Variants in CLIC5 observed in about 807,000 individuals in gnomAD.
CLIC5 encodes the protein chloride intracellular channel protein 5.
A neutral mutation model predicts 24.7 loss-of-function variants in CLIC5; 20 were observed. The observed-to-expected ratio is 0.81, with a 90% CI of 0.57 to 1.18. The LOEUF is 1.18. Ranked by LOEUF, CLIC5 falls within the 50% of genes most tolerant of loss-of-function variation. The probability of loss-of-function intolerance (pLI) is 0.00; values close to 1 mark genes in which losing one functional copy is unlikely to be tolerated. For missense variants in CLIC5, 341 were observed against 326.1 expected, an observed-to-expected ratio of 1.05 and a Z score of -0.35; for synonymous variants, 159 against 135.6, an observed-to-expected ratio of 1.17 and a Z score of -1.20.
upstream of CLIC5, among the ~76,000 whole-genome samples, chr6:46,019,082 T>TAA (rs59568209): frequency 8.0e-3 from 1,081 of 134,566 alleles, 5 homozygotes; most frequent in African/African-American, 0.02. Context: ...AAAAGTATAG[T>TAA]AAAAAAAAAA....
intron 1 of CLIC5, among the ~76,000 whole-genome samples, chr6:45,985,868 C>T (rs1765717434): frequency 6.6e-6 from 1 of 152,120 alleles, no homozygotes; most frequent in Non-Finnish European, 1.5e-5. Flanking sequence ...TGTGTACCCA[C>T]CCAAATCTCA....
upstream of CLIC5, among the ~76,000 whole-genome samples, chr6:46,019,591 C>T (rs185900659): frequency 0.022 from 3,193 of 147,438 alleles, 127 homozygotes; most frequent in African/African-American, 0.076. Flanking sequence ...GAGGCTGAGG[C>T]AGGAGAATGG....
chr6:46,107,930 A>G, the CLIC5 span, among the ~76,000 whole-genome samples: 1 of 150,718 alleles, frequency 6.6e-6, no homozygotes, highest in African/African-American at 2.4e-5. Context: ...AGCCACTCGG[A>G]GGCTGAGGCA....
chr6:45,988,169 G>A (rs1441367588), intron 1 of CLIC5, among the ~76,000 whole-genome samples: 1 of 152,214 alleles, frequency 6.6e-6, no homozygotes, highest in African/African-American at 2.4e-5. Context: ...AAAATGTAAT[G>A]TTGGGATAGG....
intron 1 of CLIC5, among the ~76,000 whole-genome samples, chr6:45,958,443 T>TATATACACACACACACAC (rs70996359): frequency 1.8e-4 from 10 of 55,634 alleles, no homozygotes; most frequent in South Asian, 6.0e-4. Context: ...TATATATATA[T>TATATACACACACACACAC]ATATATATAT....
intron 1 of CLIC5, among the ~76,000 whole-genome samples, chr6:46,028,652 T>TC (rs1332339446): frequency 6.7e-6 from 1 of 148,502 alleles, no homozygotes; most frequent in African/African-American, 2.4e-5. Flanking sequence ...TTAGACTTTG[T>TC]TTTTATAACA....
At chr6:46,096,792 T>C in the CLIC5 span, among the ~76,000 whole-genome samples, 1 of 152,230 alleles carries the variant, frequency 6.6e-6, no homozygotes, top group Non-Finnish European at 1.5e-5. Context: ...AAAAGCATGA[T>C]GTTGAATGAA....
chr6:45,933,594 A>G (rs534604058), intron 4 of CLIC5, among the ~76,000 whole-genome samples: 117 of 152,356 alleles, frequency 7.7e-4, no homozygotes, highest in Middle Eastern at 6.8e-3. Flanking sequence ...TTTTAGGAAG[A>G]GTATGTTAGG....
At chr6:45,950,575 C>T (rs976656245) in intron 2 of CLIC5, among the ~76,000 whole-genome samples, 7 of 152,078 alleles carry the variant, frequency 4.6e-5, no homozygotes, top group Non-Finnish European at 1.0e-4. Context: ...GGTCTCAAAA[C>T]AACAACAGCA....
intron 1 of CLIC5, among the ~76,000 whole-genome samples, chr6:46,032,636 T>C (rs1421062003): frequency 6.6e-6 from 1 of 152,194 alleles, no homozygotes; most frequent in Non-Finnish European, 1.5e-5. Flanking sequence ...CGTTTATCTT[T>C]GGGAAGTGAA....
At chr6:46,102,571 T>C in the CLIC5 span, 4 of 152,666 alleles carry the variant, frequency 2.6e-5, no homozygotes, top group South Asian at 6.2e-4. Flanking sequence ...GAAGAACTTT[T>C]ATTTCTGATG....
At chr6:46,054,494 A>C (rs1391460345) in intron 1 of CLIC5, among the ~76,000 whole-genome samples, 1 of 152,166 alleles carries the variant, frequency 6.6e-6, no homozygotes, top group Non-Finnish European at 1.5e-5. Context: ...TGCATCATCC[A>C]AATATTATTG....
At chr6:46,025,212 G>A (rs1366066375) in intron 1 of CLIC5, among the ~76,000 whole-genome samples, 4 of 152,098 alleles carry the variant, frequency 2.6e-5, no homozygotes, top group African/African-American at 9.7e-5. Flanking sequence ...TGAAATTTGT[G>A]TAGTTTGATT....
intron 1 of CLIC5, among the ~76,000 whole-genome samples, chr6:46,063,642 A>G (rs973937754): frequency 6.6e-6 from 1 of 152,204 alleles, no homozygotes; most frequent in Non-Finnish European, 1.5e-5. Flanking sequence ...GGAGAAAACT[A>G]TCAAGTATGG....
the CLIC5 span, among the ~76,000 whole-genome samples, chr6:46,119,972 G>GGCCT: frequency 5.9e-5 from 9 of 152,242 alleles, no homozygotes; most frequent in Admixed American, 2.0e-4. Context: ...AGCTCAAGGA[G>GGCCT]GCCTGCCTGC....
chr6:45,912,097 T>G, intron 5 of CLIC5: 1 of 986,204 alleles, frequency 1.0e-6, no homozygotes, highest in Non-Finnish European at 1.2e-6. Context: ...ATGTTCTGAA[T>G]TTGCTCTTTC....
In CLIC5 at chr6:45,898,976, G is replaced by A. The variant is rs1304068446; in HGVS notation, c.*4112C>T. 1 of 152,250 alleles carries A rather than the reference G, an allele frequency of 6.6e-6. No individual in the cohort carries two copies. The highest frequency in any genetic ancestry group is 3.4e-3 in the Middle Eastern group (1 of 294). 9.4% of individuals were successfully genotyped at this position (152,250 alleles called of 1,614,324 possible). Reference sequence around the variant, plus strand: ...CAACGTATTTTATTTATTTTTGGTTGCAAGAAAGGAATTGGATCTATTTCT... The same window carrying A: ...CAACGTATTTTATTTATTTTTGGTTACAAGAAAGGAATTGGATCTATTTCT... On this transcript the variant is annotated 3_prime_UTR_variant, in exon 6 of 6. Coordinates refer to ENST00000339561, the MANE Select transcript of CLIC5 (RefSeq NM_016929.5).
chr6:45,937,787 C>T lies in CLIC5; in HGVS notation c.406+3760G>A, dbSNP rs556043150. On this transcript the variant is annotated intron_variant, in intron 4 of 5. Coordinates refer to ENST00000339561, the MANE Select transcript of CLIC5 (RefSeq NM_016929.5). Reference sequence around the variant, plus strand: ...TCCAGTACTGCTGGGATGGCTCCCACGGATGGGGTCTCGGTTGTGGTAGCT... The same window carrying T: ...TCCAGTACTGCTGGGATGGCTCCCATGGATGGGGTCTCGGTTGTGGTAGCT... Among the ~76,000 whole-genome samples, 16 of 152,290 alleles carry T rather than the reference C, an allele frequency of 1.1e-4. No homozygotes were observed. The South Asian group carries it at 1.7e-3, about 16-fold the overall frequency.
chr6:45,998,246 A>C (rs1290336621), intron 1 of CLIC5, among the ~76,000 whole-genome samples: 1 of 152,242 alleles, frequency 6.6e-6, no homozygotes, highest in Non-Finnish European at 1.5e-5. Context: ...AGGGAAGTGG[A>C]AACTTCCTAG....
Sources: allele counts gnomAD v4.1 joint callset (sites outside exome capture counted in the v4.1 genomes callset), GRCh38; gene constraint gnomAD v4.1.1; transcripts MANE v1.5; gene names NCBI Gene and HGNC (gene_info 2026-07-23, HGNC 2026-07-21).